Variants in TMEM131 observed in about 807,000 individuals in gnomAD.
TMEM131 encodes the protein transmembrane protein 131.
In TMEM131, 66 loss-of-function variants were observed where a neutral mutation model predicts 211.6. That is an observed-to-expected ratio of 0.31 (90% CI 0.26 to 0.38). The LOEUF is 0.38. TMEM131 is among the 10% of genes least tolerant of loss of function. The probability of loss-of-function intolerance (pLI) is 1.00; values close to 1 mark genes in which losing one functional copy is unlikely to be tolerated. For missense variants in TMEM131, 2,036 were observed against 2,299.3 expected (o/e 0.89, Z 2.34); for synonymous variants, 844 against 841.3 (o/e 1.00, Z -0.06).
At chr2:97,818,515 A>T (rs1439552274) in intron 12 of TMEM131, 98 bp downstream of exon 12, 4 of 602,918 alleles carry the variant, frequency 6.6e-6, no homozygotes. Flanking sequence ...TTCTGATGGT[A>T]AAACAGTTTG....
Position 97,805,459 on chromosome 2 carries a change from G to A in TMEM131, c.2209-8C>T. On this transcript the variant is annotated splice_region_variant and splice_polypyrimidine_tract_variant and intron_variant, in intron 20 of 40. Transcript: ENST00000186436. Reference sequence around the variant, plus strand: ...AAAATAAATGTTTGCAATCTATAAAGAGGCACAGGAGAACCATGAATCCCA... The same window carrying A: ...AAAATAAATGTTTGCAATCTATAAAAAGGCACAGGAGAACCATGAATCCCA... The A allele has an allele frequency of 6.2e-7, 1 of 1,613,920 alleles. No homozygotes were observed. Among genetic ancestry groups the A allele is most frequent in the Non-Finnish European group, 8.5e-7 (1 of 1,179,848 alleles).
At chr2:97,914,955 C>T (rs1457231328) in intron 2 of TMEM131, among the ~76,000 whole-genome samples, 1 of 152,250 alleles carries the variant, frequency 6.6e-6, no homozygotes, top group East Asian at 1.9e-4. Context: ...AACTGCCAAA[C>T]TGTTTTTTCC....
Position 97,844,228 on chromosome 2 carries a change from C to G in TMEM131, c.517G>C (p.Val173Leu), listed in dbSNP as rs1377723324. Residue 173 changes from valine to leucine, a missense_variant, in exon 6 of 41, where the codon GTA becomes CTA. Around this residue, in one of 3 missense-constraint regions of TMEM131, gnomAD observed 277 missense variants for 378.0 expected, o/e 0.73. Transcript: ENST00000186436. ...CCTACTACTCTTGCAAGAAAAACTACATCAAATGATGTATTTCCTCCTGGA... is the reference window on the plus strand; with the variant it reads ...CCTACTACTCTTGCAAGAAAAACTAGATCAAATGATGTATTTCCTCCTGGA... ...ILPGGNTSFD[V>L]VFLARVVGNV... 6.0e-6 allele frequency: 8 copies of G among 1,329,320 alleles called. No homozygotes were observed. Among genetic ancestry groups the G allele is most frequent in the Non-Finnish European group, 7.9e-6 (8 of 1,008,754 alleles). The allele number at this position is 1,329,320 out of a possible 1,614,324, so 82.3% of individuals were successfully genotyped here. A position where few individuals can be genotyped will look rare whatever the true frequency, so the allele number is the denominator to read the frequency against.
intron 3 of TMEM131, among the ~76,000 whole-genome samples, chr2:97,902,128 C>G (rs1379663869): frequency 1.3e-5 from 2 of 151,174 alleles, no homozygotes; most frequent in East Asian, 1.9e-4. Context: ...AAATGGGATA[C>G]AGAGAGAAAC....
chr2:97,809,853 G>A (rs1460099553), intron 18 of TMEM131, 79 bp from the exon 19 acceptor site: 1 of 1,188,394 alleles, frequency 8.4e-7, no homozygotes, highest in African/African-American at 1.5e-5. Context: ...TATATTTTGG[G>A]GTTAACCTAA....
chr2:97,931,981 C>T (rs1677239693), intron 1 of TMEM131, among the ~76,000 whole-genome samples: 1 of 152,088 alleles, frequency 6.6e-6, no homozygotes, highest in Non-Finnish European at 1.5e-5. Flanking sequence ...TCCTGGTTTG[C>T]TTGTCAATAA....
intron 31 of TMEM131, among the ~76,000 whole-genome samples, chr2:97,782,038 G>A (rs1680033355): frequency 6.6e-6 from 1 of 152,222 alleles, no homozygotes; most frequent in South Asian, 2.1e-4. Context: ...GTGCTATCAG[G>A]GAGGGCTAAG....
At chr2:97,940,000 C>G (rs973127291) in intron 1 of TMEM131, among the ~76,000 whole-genome samples, 1 of 152,100 alleles carries the variant, frequency 6.6e-6, no homozygotes, top group African/African-American at 2.4e-5. Flanking sequence ...TCTCAATAAA[C>G]TAGGTATTGA....
chr2:97,921,876 C>T (rs538347983), intron 2 of TMEM131, among the ~76,000 whole-genome samples: 1 of 152,224 alleles, frequency 6.6e-6, no homozygotes, highest in Non-Finnish European at 1.5e-5. Context: ...TTCTCCAGAA[C>T]AGAAGGAGGG....
chr2:97,791,966 G>T (rs561957022), intron 31 of TMEM131, among the ~76,000 whole-genome samples: 138 of 152,310 alleles, frequency 9.1e-4, no homozygotes, highest in Non-Finnish European at 1.6e-3. Flanking sequence ...ATAAAACCAG[G>T]TGGTGATTTG....
At chr2:97,892,645 G>A (rs923001910) in intron 3 of TMEM131, among the ~76,000 whole-genome samples, 1 of 152,210 alleles carries the variant, frequency 6.6e-6, no homozygotes, top group Non-Finnish European at 1.5e-5. Flanking sequence ...TTATAGGCGT[G>A]AGCCACTGTG....
chr2:97,780,275 G>A (rs1361953900), intron 31 of TMEM131, among the ~76,000 whole-genome samples: 1 of 152,036 alleles, frequency 6.6e-6, no homozygotes, highest in East Asian at 1.9e-4. Flanking sequence ...TCTAAACAAT[G>A]CAATTTTACC....
At position 97,756,986 on chromosome 2, in the gene TMEM131, G is replaced by T; in HGVS notation, c.*113C>A. Reference sequence around the variant, plus strand: ...GCCCTGCTTGGGTCTGTTTTGCAAAGAAGAGGAGGGTGGGGAGGGGAGCTG... The same window carrying T: ...GCCCTGCTTGGGTCTGTTTTGCAAATAAGAGGAGGGTGGGGAGGGGAGCTG... On this transcript the variant is annotated 3_prime_UTR_variant, in exon 41 of 41. Transcript: ENST00000186436. 1 of 1,337,472 alleles carries T rather than the reference G, an allele frequency of 7.5e-7. No individual in the cohort carries two copies. Among genetic ancestry groups the T allele is most frequent in the Non-Finnish European group, 9.9e-7 (1 of 1,005,510 alleles). The allele number at this position is 1,337,472 out of a possible 1,614,324, so 82.9% of individuals were successfully genotyped here. A position where few individuals can be genotyped will look rare whatever the true frequency, so the allele number is the denominator to read the frequency against.
At chr2:97,818,001 A>C (rs1476895594) in intron 12 of TMEM131, among the ~76,000 whole-genome samples, 1 of 152,228 alleles carries the variant, frequency 6.6e-6, no homozygotes, top group Non-Finnish European at 1.5e-5. Context: ...ATGTTGTGAC[A>C]GCAAATTCAA....
intron 5 of TMEM131, among the ~76,000 whole-genome samples, chr2:97,853,209 C>T (rs1210907349): frequency 6.6e-6 from 1 of 152,154 alleles, no homozygotes; most frequent in Non-Finnish European, 1.5e-5. Flanking sequence ...CTGCTTAAGG[C>T]TATAGCTGCC....
chr2:97,826,951 T>C (rs1047021081), intron 11 of TMEM131, among the ~76,000 whole-genome samples: 5 of 151,612 alleles, frequency 3.3e-5, no homozygotes, highest in South Asian at 2.1e-4. Flanking sequence ...TCTTAACTAA[T>C]TACTATACAA....
chr2:97,942,636 C>A (rs1677794226), intron 1 of TMEM131, among the ~76,000 whole-genome samples: 1 of 148,808 alleles, frequency 6.7e-6, no homozygotes, highest in African/African-American at 2.6e-5. Flanking sequence ...ATGAAATGAA[C>A]AAATAACTAG....
intron 1 of TMEM131, among the ~76,000 whole-genome samples, chr2:97,969,280 T>C (rs1439846721): frequency 1.3e-5 from 2 of 152,158 alleles, no homozygotes; most frequent in East Asian, 1.9e-4. Context: ...CGCCTAATGA[T>C]AGGGGCAGGG....
chr2:97,949,817 C>CAAAA (rs386390704), intron 1 of TMEM131, among the ~76,000 whole-genome samples: 3,628 of 66,642 alleles, frequency 0.054, 263 homozygotes, highest in Non-Finnish European at 0.066. Context: ...GAGACTGTCT[C>CAAAA]AAAAAAAAAA....
Sources: allele counts gnomAD v4.1 joint callset (sites outside exome capture counted in the v4.1 genomes callset), GRCh38; gene constraint gnomAD v4.1.1; regional missense constraint gnomAD v4.1.1; transcripts MANE v1.5; gene names NCBI Gene and HGNC (gene_info 2026-07-23, HGNC 2026-07-21).